VASH1: variants seen among roughly 807,000 people sequenced by gnomAD.
VASH1 encodes the protein vasohibin 1, also known as tubulinyl-Tyr carboxypeptidase 1.
A neutral mutation model predicts 35.0 loss-of-function variants in VASH1; 16 were observed. The observed-to-expected ratio is 0.46, with a 90% CI of 0.31 to 0.70. The LOEUF is 0.70. Among genes scored for constraint, VASH1 ranks in the 30% least tolerant of loss-of-function variants. VASH1 has a pLI of 0.05. For missense variants in VASH1, 505 were observed against 510.7 expected (o/e 0.99, Z 0.11); for synonymous variants, 214 against 200.9 (o/e 1.07, Z -0.55).
chr14:76,775,302 A>G (rs1167436340), intron 4 of VASH1, among the ~76,000 whole-genome samples: 1 of 151,968 alleles, frequency 6.6e-6, no homozygotes, highest in African/African-American at 2.4e-5. Flanking sequence ...GGTGTGAGAA[A>G]CTCAGGTGGG....
Position 76,763,076 on chromosome 14 carries a change from C to A in VASH1, c.255C>A (p.His85Gln). The stretch of plus-strand genomic sequence containing the variant: ...TGTGGAAACACGTGGCCAAGATCCA[C>A]CCCGATGGAGAGAAGGTGGCGCAAC... ...ERMWKHVAKI[H>Q]PDGEKVAQRI... is the part of the protein sequence containing the mutation. The change falls in exon 1 of 7, where the codon CAC (histidine) becomes CAA (glutamine). Residue 85 changes from histidine to glutamine, a missense_variant. Coordinates refer to ENST00000167106, the MANE Select transcript of VASH1 (RefSeq NM_014909.5). 2 of 1,523,794 alleles carry A rather than the reference C, an allele frequency of 1.3e-6. No homozygotes were observed. Among genetic ancestry groups the A allele is most frequent in the Non-Finnish European group, 1.8e-6 (2 of 1,131,472 alleles). The allele number at this position is 1,523,794 out of a possible 1,614,324, so 94.4% of individuals were successfully genotyped here. A position where few individuals can be genotyped will look rare whatever the true frequency, so the allele number is the denominator to read the frequency against.
chr14:76,779,129 G>T lies in VASH1; in HGVS notation c.*111G>T. The T allele has an allele frequency of 8.3e-7, 1 of 1,206,688 alleles. No individual in the cohort carries two copies. Among genetic ancestry groups the T allele is most frequent in the Non-Finnish European group, 1.2e-6 (1 of 825,022 alleles). The allele number at this position is 1,206,688 out of a possible 1,614,324, so 74.7% of individuals were successfully genotyped here. A position where few individuals can be genotyped will look rare whatever the true frequency, so the allele number is the denominator to read the frequency against. ...GGCTGGTGACAAGGCAGGGCAAGAG[G>T]CTGCAGGAAGAGTGTGTTCCAGCTC... On this transcript the variant is annotated 3_prime_UTR_variant, in exon 7 of 7. Transcript: ENST00000167106.
chr14:76,778,316 A>C (rs1208389505), intron 6 of VASH1, among the ~76,000 whole-genome samples: 3 of 152,154 alleles, frequency 2.0e-5, no homozygotes, highest in Non-Finnish European at 4.4e-5. Flanking sequence ...GGGTTATGTG[A>C]GAGAAAAGGT....
rs1893516620 is a variant in VASH1, at chr14:76,762,012, G to A, written c.-810G>A. 6.6e-6 allele frequency among the ~76,000 whole-genome samples: 1 copy of A among 152,130 alleles called. No homozygotes were observed. Among genetic ancestry groups the A allele is most frequent in the South Asian group, 2.1e-4 (1 of 4,836 alleles). On this transcript the variant is annotated 5_prime_UTR_variant, in exon 1 of 7. Coordinates refer to ENST00000167106, the MANE Select transcript of VASH1 (RefSeq NM_014909.5). ...CCTCCCGCTGAGACGCGCCCGAGTG[G>A]GGACCCGCTGGGCCTCGGGGCTCGC...
At position 76,776,061 on chromosome 14, in the gene VASH1, C is replaced by G; in HGVS notation, c.700C>G (p.Arg234Gly). 1 of 1,610,066 alleles carries G rather than the reference C, an allele frequency of 6.2e-7. No individual in the cohort carries two copies. Among genetic ancestry groups the G allele is most frequent in the Non-Finnish European group, 8.5e-7 (1 of 1,179,490 alleles). Reference protein sequence around the residue: ...EDLMYKPPAFRTLSELVLDFE... With the variant: ...EDLMYKPPAFGTLSELVLDFE... The stretch of plus-strand genomic sequence containing the variant: ...CCTGATGTACAAGCCGCCCGCCTTC[C>G]GCACGCTCAGCGAGCTCGTGCTGGA... The change falls in exon 5 of 7, where the codon CGC (arginine) becomes GGC (glycine). Residue 234 changes from arginine to glycine, a missense_variant. By Grantham distance (125) the Arg-to-Gly change is moderately radical. Transcript: ENST00000167106.
intron 6 of VASH1, 90 bp from the exon 7 acceptor site, chr14:76,778,856 A>G (rs919326548): frequency 1.6e-6 from 2 of 1,285,526 alleles, no homozygotes; most frequent in Admixed American, 1.7e-5. Context: ...TGTGGCGGGG[A>G]AGCCACCAGG....
chr14:76,775,755 C>A, intron 4 of VASH1, 137 bp from the exon 5 acceptor site: 1 of 1,304,212 alleles, frequency 7.7e-7, no homozygotes, highest in Non-Finnish European at 1.0e-6. Flanking sequence ...AGACGCCAGG[C>A]GTATGGAGAT....
rs138088807 is a variant in VASH1 at position 76,765,063 on chromosome 14, G to A, written c.309+1933G>A. ...GGGTTTTGCTCAGATCATTTGTCCC[G>A]ATGAGGCCAGAGTCACACCCTGCTC... On this transcript the variant is annotated intron_variant, in intron 1 of 6. Coordinates refer to ENST00000167106, the MANE Select transcript of VASH1 (RefSeq NM_014909.5). Among the ~76,000 whole-genome samples the A allele has an allele frequency of 3.8e-3, 585 of 152,162 alleles. 4 individuals carry two copies. The highest frequency in any genetic ancestry group is 0.014 in the African/African-American group (565 of 41,526).
At position 76,762,993 on chromosome 14, in the gene VASH1, G is replaced by A. The variant is rs1419984167; in HGVS notation, c.172G>A (p.Val58Ile). The part of the protein sequence containing the change: ...EGEEDLRDGG[V>I]PFFVNRGGLP... ...GGAAGAGGACCTGCGAGACGGAGGCGTCCCCTTCTTTGTCAACCGGGGTGG... is the reference window on the plus strand; with the variant it reads ...GGAAGAGGACCTGCGAGACGGAGGCATCCCCTTCTTTGTCAACCGGGGTGG... Residue 58 changes from valine (V) to isoleucine (I), a missense_variant, in exon 1 of 7, where the codon GTC becomes ATC. Physicochemically the swap from Val to Ile is conservative, Grantham distance 29 (BLOSUM62 3). Transcript: ENST00000167106. The A allele has an allele frequency of 1.3e-6, 2 of 1,549,530 alleles. No homozygotes were observed. Among genetic ancestry groups the A allele is most frequent in the African/African-American group, 1.4e-5 (1 of 73,398 alleles).
chr14:76,773,320 T>G, intron 4 of VASH1, 109 bp downstream of exon 4: 1 of 1,086,296 alleles, frequency 9.2e-7, no homozygotes, highest in Non-Finnish European at 1.4e-6. Context: ...CTCTCCCATA[T>G]GCAGTCATCT....
Position 76,775,969 on chromosome 14 carries a change from G to A in VASH1, c.608G>A (p.Arg203His), listed in dbSNP as rs1179246208. ...FKTYFSGNYF[R>H]HIVLGVNFAG... The stretch of plus-strand genomic sequence containing the variant: ...ACCTACTTCTCAGGGAACTACTTCC[G>A]CCACATCGTGCTGGGGGTGAACTTC... Residue 203 changes from arginine to histidine, a missense_variant, in exon 5 of 7, where the codon CGC (arginine) becomes CAC (histidine). Coordinates refer to ENST00000167106, the MANE Select transcript of VASH1 (RefSeq NM_014909.5). The A allele has an allele frequency of 3.7e-6, 6 of 1,611,232 alleles. No individual in the cohort carries two copies. Among genetic ancestry groups the A allele is most frequent in the South Asian group, 1.1e-5 (1 of 90,404 alleles).
At chr14:76,775,154 G>A (rs951543045) in intron 4 of VASH1, among the ~76,000 whole-genome samples, 3 of 152,202 alleles carry the variant, frequency 2.0e-5, no homozygotes, top group Non-Finnish European at 4.4e-5. Flanking sequence ...TCTAGTGGAG[G>A]AGACAAAATA....
chr14:76,763,262 T>C lies in VASH1; in HGVS notation c.309+132T>C, dbSNP rs1252263257. ...CGGTAAGATCTTTAAAATGCAGTGA[T>C]ATCATACCTGTCTAGGAGAACTTTC... On this transcript the variant is annotated intron_variant, in intron 1 of 6. Coordinates refer to ENST00000167106, the MANE Select transcript of VASH1 (RefSeq NM_014909.5). The C allele has an allele frequency of 1.8e-5, 17 of 943,940 alleles. No homozygotes were observed. In the Admixed American group the frequency reaches 3.3e-4, roughly 18 times the overall value. The allele number at this position is 943,940 out of a possible 1,614,324, so 58.5% of individuals were successfully genotyped here. A position where few individuals can be genotyped will look rare whatever the true frequency, so the allele number is the denominator to read the frequency against.
At chr14:76,778,408 A>G (rs1376775932) in intron 6 of VASH1, among the ~76,000 whole-genome samples, 2 of 152,142 alleles carry the variant, frequency 1.3e-5, no homozygotes, top group African/African-American at 4.8e-5. Context: ...GGCTTTGAAC[A>G]TAACTTTGCC....
rs976946841 is a variant in VASH1, at chr14:76,772,803, G to C, written c.456-334G>C. Among the ~76,000 whole-genome samples, 4 of 152,238 alleles carry C rather than the reference G, an allele frequency of 2.6e-5. No individual in the cohort carries two copies. The South Asian group carries it at 8.3e-4, about 31-fold the overall frequency. ...ACTGCCTCGCAGAAGGCCCCAGCCT[G>C]GTGGCTGGAGAGAAGTTGCCCCCAG... On this transcript the variant is annotated intron_variant, in intron 3 of 6. Coordinates refer to ENST00000167106, the MANE Select transcript of VASH1 (RefSeq NM_014909.5).
intron 1 of VASH1, among the ~76,000 whole-genome samples, chr14:76,764,026 A>G (rs899393832): frequency 1.5e-4 from 22 of 151,200 alleles, no homozygotes; most frequent in African/African-American, 5.4e-4. Flanking sequence ...AAAAAACATG[A>G]TCAAGACTAG....
rs368125426 is a variant in VASH1 at position 76,781,237 on chromosome 14, A to C, written c.*2219A>C. On this transcript the variant is annotated 3_prime_UTR_variant, in exon 7 of 7. Transcript: ENST00000167106. ...AGCTGGTCAGTCCCTTGCCTCCCCA[A>C]GTTCCCCCTGGGGTCAATGAGCCCT... 1 of 152,246 alleles carries C rather than the reference A, an allele frequency of 6.6e-6. No homozygotes were observed. The highest frequency in any genetic ancestry group is 2.4e-5 in the African/African-American group (1 of 41,442). The allele number at this position is 152,246 out of a possible 1,614,324, so 9.4% of individuals were successfully genotyped here.
intron 2 of VASH1, 99 bp downstream of exon 2, chr14:76,770,150 C>A: frequency 1.8e-6 from 2 of 1,128,624 alleles, no homozygotes; most frequent in Non-Finnish European, 2.6e-6. Flanking sequence ...CCGCCTCATT[C>A]CACAACGCCA....
At chr14:76,768,063 T>C (rs910550079) in intron 1 of VASH1, among the ~76,000 whole-genome samples, 1 of 152,224 alleles carries the variant, frequency 6.6e-6, no homozygotes, top group Non-Finnish European at 1.5e-5. Flanking sequence ...CACTTGTGCA[T>C]GGGGATAATC....
Sources: gnomAD v4.1 joint callset for allele counts (sites outside exome capture counted in the v4.1 genomes callset) on GRCh38, gnomAD v4.1.1 for gene constraint, MANE v1.5 for transcripts, NCBI Gene and HGNC (gene_info 2026-07-23, HGNC 2026-07-21) for gene names.